ARHGEF26: variants seen among roughly 807,000 people sequenced by gnomAD.
ARHGEF26 encodes the protein Rho guanine nucleotide exchange factor 26.
A neutral mutation model predicts 89.4 loss-of-function variants in ARHGEF26; 59 were observed. That is an observed-to-expected ratio of 0.66 (90% CI 0.54 to 0.82). The LOEUF (loss-of-function observed/expected upper bound fraction) is 0.82. ARHGEF26 is among the 40% of genes least tolerant of loss of function. ARHGEF26 has a pLI of 0.00. For synonymous variants in ARHGEF26, 500 were observed against 428.4 expected (o/e 1.17, Z -2.06); for missense variants, 1,234 against 1,085.6 (o/e 1.14, Z -1.92).
intron 3 of ARHGEF26, among the ~76,000 whole-genome samples, chr3:154,128,325 C>A (rs994946689): frequency 6.6e-6 from 1 of 152,030 alleles, no homozygotes; most frequent in East Asian, 1.9e-4. Context: ...GCAACTTCTG[C>A]TTCCCAGGTT....
At chr3:154,178,416 G>C (rs528129639) in intron 6 of ARHGEF26, among the ~76,000 whole-genome samples, 3 of 152,010 alleles carry the variant, frequency 2.0e-5, no homozygotes, top group Non-Finnish European at 4.4e-5. Flanking sequence ...CACTTCCCCA[G>C]CTCTAGGCTG....
At chr3:154,182,467 T>C (rs1021383359) in intron 6 of ARHGEF26, among the ~76,000 whole-genome samples, 1 of 152,202 alleles carries the variant, frequency 6.6e-6, no homozygotes, top group African/African-American at 2.4e-5. Context: ...GGCTGTGATT[T>C]TCCTGATTAT....
rs1199918146 is a variant in ARHGEF26 at position 154,216,478 on chromosome 3, GTT to G, written c.1846-1379_1846-1378del. Among the ~76,000 whole-genome samples the G allele has an allele frequency of 1.9e-4, 7 of 37,694 alleles. No individual in the cohort carries two copies. The South Asian group carries it at 4.4e-3, about 23-fold the overall frequency. 24.7% of individuals were successfully genotyped at this position (37,694 alleles called of 152,430 possible). A position where few individuals can be genotyped will look rare whatever the true frequency, so the allele number is the denominator to read the frequency against. On this transcript the variant is annotated intron_variant, in intron 9 of 14. Transcript: ENST00000465093. ...TGCAAGACTTCCCTCTTCAGCACTT[GTT>G]TTTTTTTTTTTATTTTTTTTTATTT...
chr3:154,189,172 T>A (rs1393211568), intron 7 of ARHGEF26, among the ~76,000 whole-genome samples: 2 of 152,084 alleles, frequency 1.3e-5, no homozygotes, highest in African/African-American at 4.8e-5. Flanking sequence ...GAGATAAATT[T>A]GGGTTTCATT....
At position 154,257,566 on chromosome 3, in the gene ARHGEF26, A is replaced by T. The variant is rs1318900664; in HGVS notation, c.*2093A>T. Reference sequence around the variant, plus strand: ...CTTTGGAAATACATGCATCTTATGAATCATAGCCTTATTTAGCAAGATCAA... The same window carrying T: ...CTTTGGAAATACATGCATCTTATGATTCATAGCCTTATTTAGCAAGATCAA... On this transcript the variant is annotated 3_prime_UTR_variant, in exon 15 of 15. Coordinates refer to ENST00000465093, the MANE Select transcript of ARHGEF26 (RefSeq NM_015595.4). 1 of 152,246 alleles carries T rather than the reference A, an allele frequency of 6.6e-6. No individual in the cohort carries two copies. The highest frequency in any genetic ancestry group is 1.9e-4 in the East Asian group (1 of 5,196). 9.4% of individuals were successfully genotyped at this position (152,246 alleles called of 1,614,324 possible).
chr3:154,227,050 G>C (rs1163234697), intron 11 of ARHGEF26, among the ~76,000 whole-genome samples: 1 of 152,078 alleles, frequency 6.6e-6, no homozygotes, highest in Non-Finnish European at 1.5e-5. Context: ...AAAACAGATT[G>C]AGTTCTTCTT....
chr3:154,187,915 C>G (rs1713691790), intron 7 of ARHGEF26, 78 bp downstream of exon 7: 5 of 1,326,918 alleles, frequency 3.8e-6, no homozygotes, highest in Non-Finnish European at 5.0e-6. Context: ...ATTAATTGAT[C>G]TTTTGAATTA....
At chr3:154,193,477 G>A (rs1424608576) in intron 8 of ARHGEF26, among the ~76,000 whole-genome samples, 2 of 152,148 alleles carry the variant, frequency 1.3e-5, no homozygotes, top group African/African-American at 4.8e-5. Flanking sequence ...ACATTTAAGG[G>A]ACCAGTGACT....
chr3:154,222,679 G>A lies in ARHGEF26; in HGVS notation c.1936-3177G>A, dbSNP rs576547865. On this transcript the variant is annotated intron_variant, in intron 10 of 14. Coordinates refer to ENST00000465093, the MANE Select transcript of ARHGEF26 (RefSeq NM_015595.4). ...GGGTGCATTGAAGAGTGAGTGGGAT[G>A]TGAAGCAGTTGAAGCAGATTAGACT... 1.8e-3 allele frequency among the ~76,000 whole-genome samples: 271 copies of A among 152,322 alleles called. 1 individual carries two copies. The highest frequency in any genetic ancestry group is 2.6e-3 in the Non-Finnish European group (180 of 68,018).
intron 6 of ARHGEF26, among the ~76,000 whole-genome samples, chr3:154,155,563 A>G (rs375718462): frequency 7.9e-5 from 12 of 152,020 alleles, no homozygotes; most frequent in African/African-American, 2.9e-4. Context: ...ATACCAAAAT[A>G]TTAGAATCCA....
intron 6 of ARHGEF26, among the ~76,000 whole-genome samples, chr3:154,172,895 A>G (rs1190307303): frequency 3.9e-5 from 6 of 152,160 alleles, no homozygotes; most frequent in Non-Finnish European, 7.3e-5. Context: ...TAATGTCCCC[A>G]TTTTATAACT....
chr3:154,129,753 GA>G, intron 4 of ARHGEF26, 34 bp downstream of exon 4: 1 of 1,572,134 alleles, frequency 6.4e-7, no homozygotes. Flanking sequence ...TCTGTGGTAG[GA>G]AAAAAACAAG....
Position 154,257,108 on chromosome 3 carries a change from A to G in ARHGEF26, c.*1635A>G. ...TTGTAAAGCTACAGAAGCCCAGTTG[A>G]GGGGTAAGTGTGCCTGGCTCACACA... On this transcript the variant is annotated 3_prime_UTR_variant, in exon 15 of 15. Transcript: ENST00000465093. 1 of 1,169,066 alleles carries G rather than the reference A, an allele frequency of 8.6e-7. No individual in the cohort carries two copies. Among genetic ancestry groups the G allele is most frequent in the Admixed American group, 3.1e-5 (1 of 31,880 alleles). The allele number at this position is 1,169,066 out of a possible 1,614,324, so 72.4% of individuals were successfully genotyped here. A position where few individuals can be genotyped will look rare whatever the true frequency, so the allele number is the denominator to read the frequency against.
chr3:154,144,768 A>G (rs907186319), intron 4 of ARHGEF26, among the ~76,000 whole-genome samples: 22 of 152,234 alleles, frequency 1.4e-4, no homozygotes, highest in African/African-American at 5.1e-4. Flanking sequence ...AGTACTTGCT[A>G]TTTCTTGAGA....
chr3:154,217,837 C>G (rs751083237), intron 9 of ARHGEF26, 32 bp from the exon 10 acceptor site: 2 of 1,544,174 alleles, frequency 1.3e-6, no homozygotes, highest in Non-Finnish European at 1.8e-6. Flanking sequence ...TCTCCTTGAC[C>G]TTTAACCCTC....
intron 11 of ARHGEF26, among the ~76,000 whole-genome samples, chr3:154,239,554 C>T (rs1020798184): frequency 2.6e-5 from 4 of 151,978 alleles, no homozygotes; most frequent in African/African-American, 9.7e-5. Flanking sequence ...CAGGAGACGC[C>T]TTGTTCTCTA....
At chr3:154,213,909 T>C (rs1715562812) in intron 9 of ARHGEF26, among the ~76,000 whole-genome samples, 1 of 152,236 alleles carries the variant, frequency 6.6e-6, no homozygotes, top group Non-Finnish European at 1.5e-5. Context: ...TATATTGGGC[T>C]CTGGGCTTAC....
At chr3:154,144,488 A>G (rs1719581792) in intron 4 of ARHGEF26, among the ~76,000 whole-genome samples, 1 of 152,246 alleles carries the variant, frequency 6.6e-6, no homozygotes, top group African/African-American at 2.4e-5. Flanking sequence ...AGACATGGGT[A>G]GCAAGCTGGT....
Position 154,254,791 on chromosome 3 carries a change from G to A in ARHGEF26, c.2440G>A (p.Asp814Asn). Residue 814 changes from aspartate to asparagine, a missense_variant, in exon 14 of 15, where the codon GAC (aspartate) becomes AAC (asparagine). Transcript: ENST00000465093. ...QPDELSLQVA[D>N]VVLIYQRVSD... ...AGATGAACTCTCCCTGCAGGTGGCT[G>A]ACGTCGTCCTCATCTATCAACGTGT... The A allele has an allele frequency of 6.2e-7, 1 of 1,613,862 alleles. No individual in the cohort carries two copies. The highest frequency in any genetic ancestry group is 1.1e-5 in the South Asian group (1 of 91,078).
Sources: gnomAD v4.1 joint callset for allele counts (sites outside exome capture counted in the v4.1 genomes callset) on GRCh38, gnomAD v4.1.1 for gene constraint, MANE v1.5 for transcripts, NCBI Gene and HGNC (gene_info 2026-07-23, HGNC 2026-07-21) for gene names.